The following SHC4 variants were observed in gnomAD, a reference collection of about 807,000 sequenced individuals.
SHC4 encodes the protein SHC adaptor protein 4.
SHC4 carries 41 observed loss-of-function variants against 69.4 expected under a neutral mutation model. That is an observed-to-expected ratio of 0.59 (90% CI 0.46 to 0.77). SHC4 has a LOEUF of 0.77. SHC4 is among the 30% of genes least tolerant of loss of function. The pLI is 0.00. For synonymous variants in SHC4, 318 were observed against 299.3 expected (o/e 1.06, Z -0.64); for missense variants, 777 against 783.8 (o/e 0.99, Z 0.10).
intron 1 of SHC4, among the ~76,000 whole-genome samples, chr15:48,955,515 G>A (rs1441695151): frequency 1.3e-5 from 2 of 152,140 alleles, no homozygotes; most frequent in Admixed American, 6.5e-5. Context: ...CATTAGGGTT[G>A]CAGCAATGAA....
Position 48,895,107 on chromosome 15 carries a change from C to A in SHC4, c.657-4296G>T, listed in dbSNP as rs1029667886. On this transcript the variant is annotated intron_variant, in intron 2 of 11. Coordinates refer to ENST00000332408, the MANE Select transcript of SHC4 (RefSeq NM_203349.4). The stretch of plus-strand genomic sequence containing the variant: ...GGTGTGAGCCACAGCTCCTGGCCAG[C>A]CCCTATTTACTGAGCACTCTTTATG... 2.0e-5 allele frequency among the ~76,000 whole-genome samples: 3 copies of A among 152,096 alleles called. No individual in the cohort carries two copies. The East Asian group carries it at 5.9e-4, about 30-fold the overall frequency.
intron 2 of SHC4, among the ~76,000 whole-genome samples, chr15:48,900,234 G>A (rs557141950): frequency 3.9e-5 from 6 of 152,142 alleles, no homozygotes; most frequent in East Asian, 1.9e-4. Flanking sequence ...ATGGCTGGGC[G>A]CAGTGGCTCA....
chr15:48,878,266 G>A (rs757018335), intron 4 of SHC4: 2 of 1,613,380 alleles, frequency 1.2e-6, no homozygotes, highest in South Asian at 1.1e-5. Context: ...ACCTTCCGCA[G>A]ATGGAGGTAG....
rs1900619125 is a variant in SHC4 at position 48,916,279 on chromosome 15, ACACACAC to A, written c.656+8593_656+8599del. Among the ~76,000 whole-genome samples the A allele has an allele frequency of 2.0e-4, 7 of 35,098 alleles. 1 individual carries two copies. Among genetic ancestry groups the A allele is most frequent in the Admixed American group, 1.3e-3 (4 of 3,184 alleles). 23.0% of individuals were successfully genotyped at this position (35,098 alleles called of 152,430 possible). ...CTTTGCAGCTGATGGTTGCTCACAC[ACACACAC>A]ACACACACACACACACACACACACA... On this transcript the variant is annotated intron_variant, in intron 2 of 11. Coordinates refer to ENST00000332408, the MANE Select transcript of SHC4 (RefSeq NM_203349.4).
intron 2 of SHC4, among the ~76,000 whole-genome samples, chr15:48,895,704 T>C (rs1900210105): frequency 6.6e-6 from 1 of 152,200 alleles, no homozygotes; most frequent in Admixed American, 6.5e-5. Flanking sequence ...TGTGAGGCTT[T>C]ACAGAGCGCC....
At chr15:48,867,902 T>G (rs1340794636) in intron 5 of SHC4, 33 bp from the exon 6 acceptor site, 2 of 1,545,152 alleles carry the variant, frequency 1.3e-6, no homozygotes. Flanking sequence ...GTATTTAAAA[T>G]GGATGAACTG....
At chr15:48,871,651 C>T (rs1899680283) in intron 5 of SHC4, among the ~76,000 whole-genome samples, 1 of 152,138 alleles carries the variant, frequency 6.6e-6, no homozygotes, top group African/African-American at 2.4e-5. Context: ...GTTGCTCATT[C>T]CAGATTAGAC....
intron 9 of SHC4, among the ~76,000 whole-genome samples, chr15:48,848,491 G>A (rs1216493980): frequency 2.0e-5 from 3 of 152,096 alleles, no homozygotes; most frequent in East Asian, 3.8e-4. Context: ...ATACATTTAA[G>A]CTTCAATATA....
intron 4 of SHC4, chr15:48,878,243 C>A: frequency 6.2e-7 from 1 of 1,610,194 alleles, no homozygotes; most frequent in Non-Finnish European, 8.5e-7. Context: ...GGATGTGATG[C>A]CTGGCGAGGG....
chr15:48,934,955 G>A (rs967628193), intron 1 of SHC4, among the ~76,000 whole-genome samples: 2 of 152,126 alleles, frequency 1.3e-5, no homozygotes, highest in African/African-American at 2.4e-5. Flanking sequence ...ACCTCTAACA[G>A]GTACAAGGTT....
intron 1 of SHC4, among the ~76,000 whole-genome samples, chr15:48,954,884 C>T (rs1321730911): frequency 6.6e-6 from 1 of 152,068 alleles, no homozygotes; most frequent in African/African-American, 2.4e-5. Flanking sequence ...TTATCCTGTC[C>T]CTAACTGTAT....
At chr15:48,865,835 C>A (rs1899548876) in intron 6 of SHC4, among the ~76,000 whole-genome samples, 1 of 152,204 alleles carries the variant, frequency 6.6e-6, no homozygotes, top group African/African-American at 2.4e-5. Flanking sequence ...TCAGCTCTGA[C>A]AAATGACTCA....
chr15:48,910,200 G>T (rs1011400940), intron 2 of SHC4, among the ~76,000 whole-genome samples: 5 of 151,432 alleles, frequency 3.3e-5, no homozygotes, highest in Admixed American at 6.6e-5. Context: ...GTTTTTTTTT[G>T]TTGTTGGTAA....
chr15:48,882,311 G>A (rs532158668), intron 4 of SHC4, among the ~76,000 whole-genome samples: 1 of 152,194 alleles, frequency 6.6e-6, no homozygotes, highest in Non-Finnish European at 1.5e-5. Flanking sequence ...TCAGCCCTCA[G>A]GTCTGAGATA....
At chr15:48,842,565 C>G (rs2140972718) in intron 10 of SHC4, among the ~76,000 whole-genome samples, 1 of 152,236 alleles carries the variant, frequency 6.6e-6, no homozygotes, top group Middle Eastern at 3.4e-3. Flanking sequence ...AACTCAATCC[C>G]TGAAAATCAG....
At chr15:48,938,851 T>C (rs1054283838) in intron 1 of SHC4, among the ~76,000 whole-genome samples, 2 of 152,214 alleles carry the variant, frequency 1.3e-5, no homozygotes, top group African/African-American at 4.8e-5. Flanking sequence ...GAATATGGCA[T>C]ACAGTCTAGG....
chr15:48,856,435 A>G (rs1008557413), intron 7 of SHC4, among the ~76,000 whole-genome samples: 3 of 152,212 alleles, frequency 2.0e-5, no homozygotes, highest in African/African-American at 7.2e-5. Flanking sequence ...TTTTTGTCAT[A>G]AGATCATAAA....
chr15:48,878,012 G>C (rs138903874), intron 4 of SHC4: 4 of 807,212 alleles, frequency 5.0e-6, no homozygotes, highest in African/African-American at 3.4e-5. Flanking sequence ...AAAACACTGA[G>C]CTACTCCAAC....
At position 48,890,769 on chromosome 15, in the gene SHC4, A is replaced by G. The variant is rs762193745; in HGVS notation, c.699T>C (p.Asn233=). 1 of 1,614,190 alleles carries G rather than the reference A, an allele frequency of 6.2e-7. No individual in the cohort carries two copies. Among genetic ancestry groups the G allele is most frequent in the South Asian group, 1.1e-5 (1 of 91,080 alleles). Residue 233 remains asparagine, a synonymous_variant, in exon 3 of 12, where the codon AAT becomes AAC. Coordinates refer to ENST00000332408, the MANE Select transcript of SHC4 (RefSeq NM_203349.4). The part of the protein sequence containing the change: ...SRLCEAVPGA[N]GAIKKRKPPV... The stretch of plus-strand genomic sequence containing the variant: ...TTACCTTTCGCTTTTTAATGGCTCC[A>G]TTTGCCCCGGGGACAGCTTCACACA...
Sources: gnomAD v4.1 joint callset for allele counts (sites outside exome capture counted in the v4.1 genomes callset) on GRCh38, gnomAD v4.1.1 for gene constraint, MANE v1.5 for transcripts, NCBI Gene and HGNC (gene_info 2026-07-23, HGNC 2026-07-21) for gene names.